The following SDK1 variants were observed in gnomAD, a reference collection of about 807,000 sequenced individuals.
The protein encoded by SDK1 is protein sidekick-1.
SDK1 carries 157 observed loss-of-function variants against 245.5 expected under a neutral mutation model. The ratio of observed to expected loss-of-function variants is 0.64; its 90% CI spans 0.56 to 0.73. The LOEUF (loss-of-function observed/expected upper bound fraction) is 0.73. Ranked by LOEUF, SDK1 falls within the 30% of genes least tolerant of loss-of-function variation. The probability of loss-of-function intolerance (pLI) is 0.00; values close to 1 mark genes in which losing one functional copy is unlikely to be tolerated. For synonymous variants in SDK1, 1,647 were observed against 1,278.5 expected (o/e 1.29, Z -6.15); for missense variants, 3,583 against 3,002.3 (o/e 1.19, Z -4.52).
intron 1 of SDK1, among the ~76,000 whole-genome samples, chr7:3,564,539 C>T (rs959852624): frequency 6.6e-6 from 1 of 151,838 alleles, no homozygotes; most frequent in African/African-American, 2.4e-5. Flanking sequence ...AAGGAAATAG[C>T]TGTAGACCAA....
At chr7:3,613,577 T>C (rs756816739) in intron 1 of SDK1, among the ~76,000 whole-genome samples, 1 of 152,162 alleles carries the variant, frequency 6.6e-6, no homozygotes, top group Non-Finnish European at 1.5e-5. Flanking sequence ...TGGAAGACAG[T>C]GTGGTGATTC....
chr7:4,245,741 A>C lies in SDK1; in HGVS notation c.6317A>C (p.Asn2106Thr). Residue 2106 changes from asparagine (N) to threonine (T), a missense_variant, in exon 44 of 45, where the codon AAC becomes ACC. Transcript: ENST00000404826. The stretch of plus-strand genomic sequence containing the variant: ...GACGAGGACATCTGCAACAAGTACA[A>C]CGGCGCCGTGCTGACCGAGAGCGTG... Reference protein sequence around the residue: ...YSDEDICNKYNGAVLTESVSL... With the variant: ...YSDEDICNKYTGAVLTESVSL... 6.2e-7 allele frequency: 1 copy of C among 1,613,996 alleles called. No homozygotes were observed. The highest frequency in any genetic ancestry group is 8.5e-7 in the Non-Finnish European group (1 of 1,179,962).
At chr7:4,057,616 C>A (rs531808006) in intron 19 of SDK1, among the ~76,000 whole-genome samples, 1 of 152,252 alleles carries the variant, frequency 6.6e-6, no homozygotes, top group African/African-American at 2.4e-5. Flanking sequence ...ACCTAGAATG[C>A]CAAGAATGAG....
chr7:3,632,119 A>G (rs991154598), intron 2 of SDK1, among the ~76,000 whole-genome samples: 5 of 152,214 alleles, frequency 3.3e-5, no homozygotes, highest in African/African-American at 4.8e-5. Flanking sequence ...AGAAAAGGCA[A>G]TGTCCTCTTT....
At chr7:3,924,093 CT>C (rs111644858) in intron 5 of SDK1, among the ~76,000 whole-genome samples, 388 of 143,410 alleles carry the variant, frequency 2.7e-3, no homozygotes, top group Middle Eastern at 3.7e-3. Flanking sequence ...AGAAATTCCT[CT>C]TTTTTTTTTT....
intron 5 of SDK1, among the ~76,000 whole-genome samples, chr7:3,887,654 G>A (rs1781367448): frequency 6.6e-6 from 1 of 152,016 alleles, no homozygotes; most frequent in African/African-American, 2.4e-5. Flanking sequence ...TTTTCCCCTG[G>A]CCTGATGATT....
intron 5 of SDK1, among the ~76,000 whole-genome samples, chr7:3,865,758 A>G (rs1237396239): frequency 6.6e-6 from 1 of 151,742 alleles, no homozygotes; most frequent in Non-Finnish European, 1.5e-5. Context: ...CAAGCCTCCC[A>G]AAACGCTGGG....
intron 1 of SDK1, among the ~76,000 whole-genome samples, chr7:3,457,436 C>G (rs1235160198): frequency 6.6e-6 from 1 of 152,106 alleles, no homozygotes; most frequent in Non-Finnish European, 1.5e-5. Flanking sequence ...TTCTTATCTC[C>G]CTTTACCTTC....
At chr7:3,369,873 G>T (rs1781180328) in intron 1 of SDK1, among the ~76,000 whole-genome samples, 1 of 152,168 alleles carries the variant, frequency 6.6e-6, no homozygotes, top group Admixed American at 6.5e-5. Flanking sequence ...AAGAAAGTGG[G>T]TATTTCAGGG....
intron 1 of SDK1, among the ~76,000 whole-genome samples, chr7:3,605,407 A>T (rs189500413): frequency 1.3e-5 from 2 of 152,376 alleles, no homozygotes; most frequent in African/African-American, 2.4e-5. Context: ...AAATGCCCAC[A>T]GTCGTCAGTG....
At chr7:3,596,111 T>C (rs1781053464) in intron 1 of SDK1, among the ~76,000 whole-genome samples, 1 of 152,088 alleles carries the variant, frequency 6.6e-6, no homozygotes, top group Non-Finnish European at 1.5e-5. Flanking sequence ...AAATTCCAAA[T>C]CTGAAATGCT....
At chr7:4,052,026 G>A (rs1778888086) in intron 19 of SDK1, among the ~76,000 whole-genome samples, 196 bp downstream of exon 19, 1 of 152,154 alleles carries the variant, frequency 6.6e-6, no homozygotes, top group Non-Finnish European at 1.5e-5. Context: ...GTGGACAGTG[G>A]AGGGTGGCCT....
At chr7:4,213,124 C>T (rs1205486555) in intron 38 of SDK1, among the ~76,000 whole-genome samples, 1 of 151,984 alleles carries the variant, frequency 6.6e-6, no homozygotes, top group Non-Finnish European at 1.5e-5. Context: ...ACTGAAAATA[C>T]AAAAATTGGC....
At chr7:3,735,958 A>G (rs1271187454) in intron 4 of SDK1, among the ~76,000 whole-genome samples, 1 of 152,178 alleles carries the variant, frequency 6.6e-6, no homozygotes, top group Non-Finnish European at 1.5e-5. Flanking sequence ...GCATCTTCTC[A>G]TATGCTTTTT....
Position 3,619,123 on chromosome 7 carries a change from G to T in SDK1, c.342G>T (p.Gln114His). ...PYFKTEPGLP[Q>H]IHLEGNRLVL... ...TTAAAACGGAGCCAGGCCTACCACA[G>T]ATCCACCTGGAAGGGAACCGCCTTG... is the stretch of plus-strand genomic sequence containing the variant. The change falls in exon 2 of 45, where the codon CAG becomes CAT. Residue 114 changes from glutamine to histidine, a missense_variant. Gln to His is a conservative substitution (Grantham distance 24). Transcript: ENST00000404826. 1.9e-6 allele frequency: 3 copies of T among 1,613,312 alleles called. No homozygotes were observed. The highest frequency in any genetic ancestry group is 1.7e-6 in the Non-Finnish European group (2 of 1,179,460).
At chr7:3,365,432 A>C (rs1781063496) in intron 1 of SDK1, among the ~76,000 whole-genome samples, 1 of 152,194 alleles carries the variant, frequency 6.6e-6, no homozygotes, top group African/African-American at 2.4e-5. Flanking sequence ...GAACTAAGAA[A>C]TAAAAATAAT....
chr7:4,200,631 C>G (rs1029384508), intron 35 of SDK1, among the ~76,000 whole-genome samples: 2 of 152,230 alleles, frequency 1.3e-5, no homozygotes, highest in African/African-American at 4.8e-5. Flanking sequence ...AAGGGCCTCT[C>G]CATGGGGCCT....
chr7:3,637,272 T>A (rs1207322455), intron 2 of SDK1, among the ~76,000 whole-genome samples: 1 of 152,174 alleles, frequency 6.6e-6, no homozygotes, highest in African/African-American at 2.4e-5. Flanking sequence ...AATTTTTGTA[T>A]TTTTAGTACA....
At chr7:3,311,388 G>C (rs1205121273) in intron 1 of SDK1, among the ~76,000 whole-genome samples, 1 of 152,086 alleles carries the variant, frequency 6.6e-6, no homozygotes, top group Non-Finnish European at 1.5e-5. Flanking sequence ...TCTCACTGGA[G>C]TTCTAGGAGT....
Sources: allele counts gnomAD v4.1 joint callset (sites outside exome capture counted in the v4.1 genomes callset), GRCh38; gene constraint gnomAD v4.1.1; transcripts MANE v1.5; gene names NCBI Gene and HGNC (gene_info 2026-07-23, HGNC 2026-07-21).